The following SHANK2 variants were observed in gnomAD, a reference collection of about 807,000 sequenced individuals.
SHANK2 encodes the protein SH3 and multiple ankyrin repeat domains protein 2.
SHANK2 carries 43 observed loss-of-function variants against 133.7 expected under a neutral mutation model. The ratio of observed to expected loss-of-function variants is 0.32; its 90% CI spans 0.25 to 0.41. SHANK2 has a LOEUF of 0.41. Among genes scored for constraint, SHANK2 ranks in the 10% least tolerant of loss-of-function variants. The probability of loss-of-function intolerance (pLI) is 1.00; values close to 1 mark genes in which losing one functional copy is unlikely to be tolerated. For synonymous variants in SHANK2, 1,017 were observed against 952.8 expected (o/e 1.07, Z -1.24); for missense variants, 1,994 against 2,235.8 (o/e 0.89, Z 2.18).
chr11:70,902,477 C>T (rs551462923), intron 10 of SHANK2, among the ~76,000 whole-genome samples: 1 of 152,350 alleles, frequency 6.6e-6, no homozygotes, highest in South Asian at 2.1e-4. Flanking sequence ...TGGGATTTCT[C>T]GCTGTGCCCT....
chr11:70,478,203 A>T (rs1180934752), intron 25 of SHANK2, among the ~76,000 whole-genome samples: 1 of 151,512 alleles, frequency 6.6e-6, no homozygotes, highest in Non-Finnish European at 1.5e-5. Flanking sequence ...AGACGGGGTC[A>T]TGCAGCAATC....
At chr11:71,184,928 C>T (rs1397616766) in intron 2 of SHANK2, among the ~76,000 whole-genome samples, 1 of 152,162 alleles carries the variant, frequency 6.6e-6, no homozygotes, top group African/African-American at 2.4e-5. Context: ...CCACCACTGC[C>T]TGGGCACAAA....
chr11:71,133,487 T>C (rs1334477553), intron 3 of SHANK2, among the ~76,000 whole-genome samples: 1 of 149,206 alleles, frequency 6.7e-6, no homozygotes, highest in Admixed American at 6.7e-5. Flanking sequence ...GACAGAGGGA[T>C]GGACGGACGG....
intron 2 of SHANK2, among the ~76,000 whole-genome samples, chr11:71,162,846 G>A (rs1483260203): frequency 3.3e-5 from 5 of 151,892 alleles, no homozygotes; most frequent in Non-Finnish European, 1.5e-5. Context: ...GTCAAGACGG[G>A]CAGATCACGA....
At chr11:71,145,009 C>T (rs1185704155) in intron 3 of SHANK2, among the ~76,000 whole-genome samples, 1 of 152,204 alleles carries the variant, frequency 6.6e-6, no homozygotes, top group Non-Finnish European at 1.5e-5. Flanking sequence ...TTGTGCTTTC[C>T]TGCATTACTT....
At chr11:71,233,771 G>C (rs1348704957) in intron 1 of SHANK2, among the ~76,000 whole-genome samples, 1 of 152,232 alleles carries the variant, frequency 6.6e-6, no homozygotes, top group East Asian at 1.9e-4. Flanking sequence ...CTGCAGGCCA[G>C]ACACAGTGGG....
At position 71,188,185 on chromosome 11, in the gene SHANK2, A is replaced by G. The variant is rs532826569; in HGVS notation, c.-13+36512T>C. On this transcript the variant is annotated intron_variant, in intron 2 of 25. Coordinates refer to ENST00000601538, the MANE Select transcript of SHANK2 (RefSeq NM_012309.5). The surrounding 1 kb of genome is among the most constrained non-coding windows in gnomAD (Gnocchi z 4.6). Reference sequence around the variant, plus strand: ...TCCCAGCCACTCCTGAGACCTGGTGATCTTGCCACCTCCATCTCTCTCACA... The same window carrying G: ...TCCCAGCCACTCCTGAGACCTGGTGGTCTTGCCACCTCCATCTCTCTCACA... Among the ~76,000 whole-genome samples, 19 of 152,022 alleles carry G rather than the reference A, an allele frequency of 1.2e-4. No homozygotes were observed. The highest frequency in any genetic ancestry group is 1.9e-4 in the Non-Finnish European group (13 of 67,984).
At chr11:71,146,233 G>C (rs1473984257) in intron 3 of SHANK2, among the ~76,000 whole-genome samples, 1 of 152,232 alleles carries the variant, frequency 6.6e-6, no homozygotes, top group Admixed American at 6.5e-5. Context: ...TCCCCGCCGT[G>C]AGCAAGAGGG....
intron 10 of SHANK2, among the ~76,000 whole-genome samples, chr11:70,899,233 G>T (rs1949988832): frequency 6.6e-6 from 1 of 152,132 alleles, no homozygotes; most frequent in African/African-American, 2.4e-5. Context: ...AATCACGGGG[G>T]TGGTTTCCCC....
chr11:70,768,030 C>T (rs905711937), intron 14 of SHANK2, among the ~76,000 whole-genome samples: 1 of 152,088 alleles, frequency 6.6e-6, no homozygotes, highest in South Asian at 2.1e-4. Flanking sequence ...CCCAGATCCC[C>T]TTTAGATCCA....
intron 21 of SHANK2, among the ~76,000 whole-genome samples, chr11:70,492,741 GCT>G (rs2058909164): frequency 6.6e-6 from 1 of 151,106 alleles, no homozygotes; most frequent in African/African-American, 2.4e-5. Flanking sequence ...GCCCCCAAGG[GCT>G]CTGAAGCTTT....
intron 17 of SHANK2, among the ~76,000 whole-genome samples, chr11:70,623,751 G>A (rs12786087): frequency 0.16 from 25,023 of 152,272 alleles, 2,660 homozygotes; most frequent in Non-Finnish European, 0.25. Flanking sequence ...TGAGTGCTCA[G>A]TAGCTGTGTG....
intron 3 of SHANK2, among the ~76,000 whole-genome samples, chr11:71,123,288 C>G (rs74502146): frequency 2.3e-4 from 35 of 152,318 alleles, no homozygotes; most frequent in Non-Finnish European, 5.9e-5. Flanking sequence ...AAGAAGCAAA[C>G]CAGCCTGAGG....
chr11:70,728,652 C>T (rs1555031298), intron 14 of SHANK2, among the ~76,000 whole-genome samples: 1 of 152,194 alleles, frequency 6.6e-6, no homozygotes. Flanking sequence ...AATACGCACG[C>T]CCAGAACACT....
At chr11:71,092,782 T>C (rs1951540996) in intron 7 of SHANK2, among the ~76,000 whole-genome samples, 193 bp from the exon 8 acceptor site, 1 of 152,114 alleles carries the variant, frequency 6.6e-6, no homozygotes, top group African/African-American at 2.4e-5. Context: ...GGCTGACGCC[T>C]ATGATCCCAG....
At chr11:70,857,794 A>C (rs767452144) in intron 11 of SHANK2, among the ~76,000 whole-genome samples, 3 of 152,204 alleles carry the variant, frequency 2.0e-5, no homozygotes, top group Non-Finnish European at 4.4e-5. Flanking sequence ...ATGACCCTTG[A>C]AGGCCAAAAA....
At chr11:70,635,707 CG>C (rs1446680934) in intron 17 of SHANK2, among the ~76,000 whole-genome samples, 1 of 151,208 alleles carries the variant, frequency 6.6e-6, no homozygotes, top group Admixed American at 6.6e-5. Flanking sequence ...GTAAATTTTA[CG>C]GTATGTGCAC....
chr11:71,225,850 A>G (rs1470764030), intron 1 of SHANK2, among the ~76,000 whole-genome samples: 5 of 152,226 alleles, frequency 3.3e-5, no homozygotes, highest in African/African-American at 1.2e-4. Context: ...CTGGCCGGGC[A>G]CGGTGGCTCA....
intron 14 of SHANK2, chr11:70,705,821 C>T (rs1165718481): frequency 2.0e-5 from 3 of 152,488 alleles, no homozygotes; most frequent in Non-Finnish European, 2.9e-5. Context: ...TCTGAACCAC[C>T]ATGATCTTGC....
Sources: gnomAD v4.1 joint callset for allele counts (sites outside exome capture counted in the v4.1 genomes callset) on GRCh38, gnomAD v4.1.1 for gene constraint, Gnocchi (gnomAD v3.1) non-coding constraint, MANE v1.5 for transcripts, NCBI Gene and HGNC (gene_info 2026-07-23, HGNC 2026-07-21) for gene names.